Variants in TNRC18 observed in about 807,000 individuals in gnomAD.
TNRC18 encodes trinucleotide repeat-containing gene 18 protein.
TNRC18 carries 69 observed loss-of-function variants against 226.7 expected under a neutral mutation model. The ratio of observed to expected loss-of-function variants is 0.30; its 90% CI spans 0.25 to 0.37. The LOEUF is 0.37. Ranked by LOEUF, TNRC18 falls within the 10% of genes least tolerant of loss-of-function variation. The pLI is 1.00. For missense variants in TNRC18, 4,754 were observed against 4,256.6 expected (o/e 1.12, Z -3.25); for synonymous variants, 2,449 against 1,927.6 (o/e 1.27, Z -7.09).
chr7:5,383,981 T>TC (rs1299380513), intron 5 of TNRC18, among the ~76,000 whole-genome samples: 19 of 148,826 alleles, frequency 1.3e-4, no homozygotes, highest in Non-Finnish European at 4.5e-5. Flanking sequence ...TTTTTTTTTT[T>TC]TGAGATAGAG....
intron 18 of TNRC18, among the ~76,000 whole-genome samples, chr7:5,338,475 G>C (rs943200915): frequency 6.6e-6 from 1 of 152,044 alleles, no homozygotes; most frequent in African/African-American, 2.4e-5. Context: ...GCCAGGCGTC[G>C]TGGCTCAGGC....
chr7:5,392,370 G>C (rs1780362620), intron 3 of TNRC18, among the ~76,000 whole-genome samples: 1 of 152,176 alleles, frequency 6.6e-6, no homozygotes, highest in African/African-American at 2.4e-5. Context: ...GGCTGTGGCA[G>C]GAGGATCTCT....
At chr7:5,405,428 G>C (rs1157646580) in intron 2 of TNRC18, among the ~76,000 whole-genome samples, 2 of 152,108 alleles carry the variant, frequency 1.3e-5, no homozygotes, top group African/African-American at 4.8e-5. Flanking sequence ...AATTAGCCAA[G>C]TGTGGTGGTG....
At chr7:5,401,724 A>G (rs962148457) in intron 2 of TNRC18, among the ~76,000 whole-genome samples, 2 of 152,370 alleles carry the variant, frequency 1.3e-5, no homozygotes, top group African/African-American at 4.8e-5. Context: ...TCACCCCAGC[A>G]TTACTAGGTA....
At position 5,322,660 on chromosome 7, in the gene TNRC18, C is replaced by T. The variant is rs187532778; in HGVS notation, c.6443-1470G>A. Among the ~76,000 whole-genome samples the T allele has an allele frequency of 5.3e-5, 8 of 152,358 alleles. No individual in the cohort carries two copies. The East Asian group carries it at 9.7e-4, about 18-fold the overall frequency. On this transcript the variant is annotated intron_variant, in intron 21 of 29. Coordinates refer to ENST00000430969, the MANE Select transcript of TNRC18 (RefSeq NM_001080495.3). ...GAATGCCCGGGGGCAAACTTGCCGACGGCGGTCACCTCTCATTGCCCCAAC... is the reference window on the plus strand; with the variant it reads ...GAATGCCCGGGGGCAAACTTGCCGATGGCGGTCACCTCTCATTGCCCCAAC...
intron 17 of TNRC18, among the ~76,000 whole-genome samples, chr7:5,350,617 A>C (rs1253130402): frequency 1.3e-5 from 2 of 152,168 alleles, no homozygotes; most frequent in Non-Finnish European, 2.9e-5. Context: ...TCCTAAAACC[A>C]GGGCTAGGAA....
intron 19 of TNRC18, among the ~76,000 whole-genome samples, chr7:5,328,291 G>C (rs1423567197): frequency 6.6e-6 from 1 of 152,188 alleles, no homozygotes; most frequent in East Asian, 1.9e-4. Flanking sequence ...GGGAGGCCAA[G>C]GCAGGAGGAC....
intron 2 of TNRC18, among the ~76,000 whole-genome samples, chr7:5,415,144 C>T (rs922797796): frequency 1.1e-4 from 16 of 152,284 alleles, no homozygotes; most frequent in Middle Eastern, 3.4e-3. Flanking sequence ...CCCACCTCCC[C>T]CACATCCCCT....
At position 5,352,063 on chromosome 7, in the gene TNRC18, C is replaced by T. The variant is rs535469219; in HGVS notation, c.5226G>A (p.Leu1742=). The change falls in exon 17 of 30, where the codon CTG becomes CTA. Residue 1742 remains leucine, a synonymous_variant. Coordinates refer to ENST00000430969, the MANE Select transcript of TNRC18 (RefSeq NM_001080495.3). The part of the protein sequence containing the change: ...NTDSEEDEEF[L]KDEWPAQGPS... Reference sequence around the variant, plus strand: ...GGCCTTGGGCGGGCCACTCGTCCTTCAGGAATTCTTCGTCTTCCTCTGAGT... The same window carrying T: ...GGCCTTGGGCGGGCCACTCGTCCTTTAGGAATTCTTCGTCTTCCTCTGAGT... 3.1e-6 allele frequency: 5 copies of T among 1,610,784 alleles called. No individual in the cohort carries two copies. Among genetic ancestry groups the T allele is most frequent in the African/African-American group, 1.3e-5 (1 of 74,950 alleles).
chr7:5,397,338 CG>C (rs1562615863), intron 2 of TNRC18, among the ~76,000 whole-genome samples: 1 of 152,228 alleles, frequency 6.6e-6, no homozygotes, highest in Non-Finnish European at 1.5e-5. Context: ...GCAGGCTGCA[CG>C]GAAGCCTAAT....
In TNRC18 at chr7:5,315,154, G is replaced by T. The variant is rs764609635; in HGVS notation, c.6863-6C>A. On this transcript the variant is annotated splice_polypyrimidine_tract_variant and splice_region_variant and intron_variant, in intron 25 of 29. Coordinates refer to ENST00000430969, the MANE Select transcript of TNRC18 (RefSeq NM_001080495.3). ...GGCCGGGGACGGCTCAGCACCTGTGGGGCAGAGGACAGAGTGGCTCATCAG... is the reference window on the plus strand; with the variant it reads ...GGCCGGGGACGGCTCAGCACCTGTGTGGCAGAGGACAGAGTGGCTCATCAG... 8 of 1,610,836 alleles carry T rather than the reference G, an allele frequency of 5.0e-6. No individual in the cohort carries two copies. In the African/African-American group the frequency reaches 8.0e-5, roughly 16 times the overall value.
In TNRC18 at chr7:5,389,098, G is replaced by A. The variant is rs780278270; in HGVS notation, c.726C>T (p.Thr242=). 1.9e-5 allele frequency: 25 copies of A among 1,302,460 alleles called. No homozygotes were observed. In the South Asian group the frequency reaches 3.6e-4, roughly 19 times the overall value. The allele number at this position is 1,302,460 out of a possible 1,614,324, so 80.7% of individuals were successfully genotyped here. ...GGCGGCCCTCGGCGCGCGCCTCCTGGGTCAGGTCCACCACGCCCCGTGGCC... is the reference window on the plus strand; with the variant it reads ...GGCGGCCCTCGGCGCGCGCCTCCTGAGTCAGGTCCACCACGCCCCGTGGCC... ...ASGPRGVVDL[T]QEARAEGRQD... Residue 242 remains threonine (T), a synonymous_variant, in exon 5 of 30, where the codon ACC becomes ACT. Transcript: ENST00000430969.
intron 11 of TNRC18, among the ~76,000 whole-genome samples, chr7:5,367,521 A>G (rs185901127): frequency 0.48 from 72,026 of 149,752 alleles, 17,525 homozygotes; most frequent in African/African-American, 0.56. Context: ...TCCGCCTCCC[A>G]GGTTCAAGTG....
At position 5,395,818 on chromosome 7, in the gene TNRC18, C is replaced by T. The variant is rs1260663664; in HGVS notation, c.188-1223G>A. 2.0e-5 allele frequency among the ~76,000 whole-genome samples: 3 copies of T among 152,132 alleles called. No homozygotes were observed. In the South Asian group the frequency reaches 6.2e-4, roughly 32 times the overall value. On this transcript the variant is annotated intron_variant, in intron 2 of 29. Transcript: ENST00000430969. ...CAGCCTCACCAACATGGTGAAACCC[C>T]GCCCCTACTAAAAAGACAAATACAA...
chr7:5,388,373 C>T lies in TNRC18; in HGVS notation c.1451G>A (p.Gly484Asp). 1 of 1,545,268 alleles carries T rather than the reference C, an allele frequency of 6.5e-7. No homozygotes were observed. Among genetic ancestry groups the T allele is most frequent in the Non-Finnish European group, 8.7e-7 (1 of 1,150,424 alleles). The change falls in exon 5 of 30, where the codon GGT becomes GAT. Residue 484 changes from glycine (G) to aspartate (D), a missense_variant. Transcript: ENST00000430969. ...PCERAPRGPAGPAAQQAAKLF... is the reference protein window; with the variant it reads ...PCERAPRGPADPAAQQAAKLF... ...CTTGGCGGCCTGTTGGGCTGCAGGACCGGCTGGGCCGCGGGGCGCACGCTC... is the reference window on the plus strand; with the variant it reads ...CTTGGCGGCCTGTTGGGCTGCAGGATCGGCTGGGCCGCGGGGCGCACGCTC...
chr7:5,323,924 G>C (rs559044681), intron 21 of TNRC18, among the ~76,000 whole-genome samples: 11 of 152,262 alleles, frequency 7.2e-5, no homozygotes, highest in African/African-American at 2.4e-4. Flanking sequence ...TCTAACCTCA[G>C]AAAGCTTCGC....
intron 18 of TNRC18, among the ~76,000 whole-genome samples, chr7:5,341,247 T>TA (rs199568595): frequency 5.2e-4 from 71 of 137,338 alleles, no homozygotes; most frequent in East Asian, 4.8e-3. Context: ...CTGTCTCTAC[T>TA]AAAAAAAAAA....
Position 5,345,769 on chromosome 7 carries a change from C to T in TNRC18, c.5512G>A (p.Glu1838Lys), listed in dbSNP as rs1791122628. 2 of 1,546,868 alleles carry T rather than the reference C, an allele frequency of 1.3e-6. No individual in the cohort carries two copies. The highest frequency in any genetic ancestry group is 1.7e-4 in the Middle Eastern group (1 of 5,988). Residue 1838 changes from glutamate (E) to lysine (K), a missense_variant, in exon 18 of 30, where the codon GAG becomes AAG. Coordinates refer to ENST00000430969, the MANE Select transcript of TNRC18 (RefSeq NM_001080495.3). Reference sequence around the variant, plus strand: ...CCACCACCGCTGGCCTCGTCCTCCTCCTCGAGCTCCTCCTCCTCGTCCTCC... The same window carrying T: ...CCACCACCGCTGGCCTCGTCCTCCTTCTCGAGCTCCTCCTCCTCGTCCTCC... Reference protein sequence around the residue: ...EEEDEEEELEEEDEASGGGYR... With the variant: ...EEEDEEEELEKEDEASGGGYR...
At chr7:5,373,927 TG>T in intron 10 of TNRC18, 127 bp downstream of exon 10, 1 of 697,448 alleles carries the variant, frequency 1.4e-6, no homozygotes, top group Non-Finnish European at 2.2e-6. Flanking sequence ...GCGGCAGGCC[TG>T]GGACGCAGGA....
Sources: allele counts gnomAD v4.1 joint callset (sites outside exome capture counted in the v4.1 genomes callset), GRCh38; gene constraint gnomAD v4.1.1; transcripts MANE v1.5; gene names NCBI Gene and HGNC (gene_info 2026-07-23, HGNC 2026-07-21).